TSKS: variants seen among roughly 807,000 people sequenced by gnomAD.
TSKS encodes the protein testis-specific serine kinase substrate.
A neutral mutation model predicts 68.0 loss-of-function variants in TSKS; 27 were observed. The observed-to-expected ratio is 0.40, with a 90% CI of 0.29 to 0.55. TSKS has a LOEUF of 0.55. Among genes scored for constraint, TSKS ranks in the 20% least tolerant of loss-of-function variants. The pLI is 0.53. For synonymous variants in TSKS, 331 were observed against 340.4 expected, an observed-to-expected ratio of 0.97 and a Z score of 0.30; for missense variants, 806 against 776.0, an observed-to-expected ratio of 1.04 and a Z score of -0.46.
intron 8 of TSKS, among the ~76,000 whole-genome samples, chr19:49,743,970 GTGCTGGGAT>G (rs766485997): frequency 7.2e-5 from 11 of 152,146 alleles, no homozygotes; most frequent in Non-Finnish European, 1.5e-4. Flanking sequence ...GTCTCCCGAA[GTGCTGGGAT>G]TACAGGCGAG....
Position 49,740,078 on chromosome 19 carries a change from T to C in TSKS, c.1603A>G (p.Thr535Ala), listed in dbSNP as rs1568559079. Reference sequence around the variant, plus strand: ...CCTCACTCTGGCTTCATCTTGTCTGTCAGCAGTAGGTTCTTGGCCCGCAGG... The same window carrying C: ...CCTCACTCTGGCTTCATCTTGTCTGCCAGCAGTAGGTTCTTGGCCCGCAGG... ...EALRAKNLLL[T>A]DKMKPEEKMA... is the part of the protein sequence containing the mutation. Residue 535 changes from threonine to alanine, a missense_variant, in exon 10 of 11, where the codon ACA becomes GCA. By Grantham distance (58) the Thr-to-Ala change is moderately conservative. Coordinates refer to ENST00000246801, the MANE Select transcript of TSKS (RefSeq NM_021733.2). 6.2e-7 allele frequency: 1 copy of C among 1,614,150 alleles called. No individual in the cohort carries two copies. The highest frequency in any genetic ancestry group is 1.7e-5 in the Admixed American group (1 of 60,004).
intron 2 of TSKS, 51 bp downstream of exon 2, chr19:49,761,953 C>A (rs1345498924): frequency 6.7e-7 from 1 of 1,494,988 alleles, no homozygotes; most frequent in Non-Finnish European, 9.2e-7. Flanking sequence ...TTTGCTACCA[C>A]CTTGTGGAGG....
At chr19:49,748,244 A>G (rs2084319403) in intron 3 of TSKS, 76 bp from the exon 4 acceptor site, 1 of 1,582,740 alleles carries the variant, frequency 6.3e-7, no homozygotes, top group Admixed American at 1.7e-5. Flanking sequence ...TGGGCCTGGG[A>G]AGGTTCCTTT....
intron 7 of TSKS, among the ~76,000 whole-genome samples, 200 bp downstream of exon 7, chr19:49,745,002 C>G (rs1397671293): frequency 6.6e-6 from 1 of 152,168 alleles, no homozygotes; most frequent in Non-Finnish European, 1.5e-5. Flanking sequence ...CACCCCTTCT[C>G]TAATTGATTC....
At chr19:49,760,698 G>A (rs182357829) in intron 2 of TSKS, among the ~76,000 whole-genome samples, 1 of 152,190 alleles carries the variant, frequency 6.6e-6, no homozygotes, top group Non-Finnish European at 1.5e-5. Flanking sequence ...GCTGAGATGG[G>A]AGGATCCTTT....
Position 49,762,076 on chromosome 19 carries a change from G to C in TSKS, c.327C>G (p.Leu109=). Residue 109 remains leucine (L), a synonymous_variant, in exon 2 of 11, where the codon CTC becomes CTG. Transcript: ENST00000246801. The part of the protein sequence containing the change: ...DSTVEDLSGQ[L]TLAGPPASPT... ...GGGAGGCAGGGGGCCCAGCCAGTGT[G>C]AGTTGGCCGCTGAGGTCTTCCACTG... is the stretch of plus-strand genomic sequence containing the variant. 17 of 1,614,182 alleles carry C rather than the reference G, an allele frequency of 1.1e-5. No individual in the cohort carries two copies. Among genetic ancestry groups the C allele is most frequent in the Non-Finnish European group, 1.4e-5 (17 of 1,180,038 alleles).
chr19:49,747,541 C>T (rs2084313377), intron 4 of TSKS, 69 bp from the exon 5 acceptor site: 3 of 1,521,872 alleles, frequency 2.0e-6, no homozygotes, highest in Admixed American at 3.3e-5. Context: ...CTTAGCCTGT[C>T]TGTTTCCATC....
chr19:49,748,440 G>A lies in TSKS; in HGVS notation c.429C>T (p.Ala143=). 6.2e-7 allele frequency: 1 copy of A among 1,614,226 alleles called. No individual in the cohort carries two copies. The change falls in exon 3 of 11, where the codon GCC becomes GCT. Residue 143 remains alanine (A), a synonymous_variant. Transcript: ENST00000246801. Reference sequence around the variant, plus strand: ...CCTTCAAGCTGGTGATGGAGTCTTTGGCGCGGACCAATCCACTGTTGACCC... The same window carrying A: ...CCTTCAAGCTGGTGATGGAGTCTTTAGCGCGGACCAATCCACTGTTGACCC... ...LSGVNSGLVR[A]KDSITSLKEK... is the part of the protein sequence containing the mutation.
intron 2 of TSKS, among the ~76,000 whole-genome samples, chr19:49,755,722 G>T (rs1044859040): frequency 5.9e-5 from 9 of 152,160 alleles, no homozygotes; most frequent in African/African-American, 2.2e-4. Context: ...GGGCCAGGTG[G>T]CTGGGCTTGG....
rs1265988318 is a variant in TSKS at position 49,744,305 on chromosome 19, C to T, written c.1287G>A (p.Gln429=). The T allele has an allele frequency of 6.2e-7, 1 of 1,614,122 alleles. No individual in the cohort carries two copies. The change falls in exon 8 of 11, where the codon CAG becomes CAA. Residue 429 remains glutamine (Q), a synonymous_variant. Transcript: ENST00000246801. ...AGAGGTCAGGCCCTCTTCGAGAGTT[C>T]TGAAATTGCCGCCCGAACTCCTCCA... ...PILEEFGRQF[Q]NSRRGPDLSM...
At chr19:49,757,978 C>A (rs1197200844) in intron 2 of TSKS, among the ~76,000 whole-genome samples, 1 of 151,520 alleles carries the variant, frequency 6.6e-6, no homozygotes, top group African/African-American at 2.4e-5. Context: ...GCAACCTCCA[C>A]CTCCCGAGTT....
In TSKS at chr19:49,747,265, ATG is replaced by A. The variant is rs1488156256; in HGVS notation, c.663+122_663+123del. On this transcript the variant is annotated intron_variant, in intron 5 of 10. Transcript: ENST00000246801. ...TTATCAGCGAGTTCTAAGGATGACTATGTGCACGAAGGTGCAGTGTGGTGGTG... is the reference window on the plus strand; with the variant it reads ...TTATCAGCGAGTTCTAAGGATGACTATGCACGAAGGTGCAGTGTGGTGGTG... 1.6e-5 allele frequency: 25 copies of A among 1,582,206 alleles called. No homozygotes were observed. The Admixed American group carries it at 4.5e-4, about 29-fold the overall frequency.
intron 2 of TSKS, among the ~76,000 whole-genome samples, chr19:49,749,678 G>A (rs752774230): frequency 2.1e-4 from 32 of 152,110 alleles, no homozygotes; most frequent in Admixed American, 3.3e-4. Flanking sequence ...GGTGTGGAGC[G>A]GTACTATCAT....
chr19:49,740,827 C>T (rs1296984847), intron 9 of TSKS, among the ~76,000 whole-genome samples: 5 of 150,392 alleles, frequency 3.3e-5, no homozygotes, highest in Admixed American at 6.7e-5. Context: ...GAGGTTGCAA[C>T]GAGCCAAGAT....
intron 2 of TSKS, among the ~76,000 whole-genome samples, chr19:49,755,193 T>C (rs2084383325): frequency 6.6e-6 from 1 of 152,166 alleles, no homozygotes; most frequent in African/African-American, 2.4e-5. Flanking sequence ...AACTTGAACA[T>C]AGCTCAACTT....
At chr19:49,758,480 G>A (rs1014188900) in intron 2 of TSKS, among the ~76,000 whole-genome samples, 2 of 152,200 alleles carry the variant, frequency 1.3e-5, no homozygotes, top group Non-Finnish European at 2.9e-5. Flanking sequence ...ATCCAGTGGG[G>A]GATGTGACTC....
chr19:49,751,899 C>CAAAAAAAA (rs61310693), intron 2 of TSKS, among the ~76,000 whole-genome samples: 2 of 41,672 alleles, frequency 4.8e-5, no homozygotes, highest in Non-Finnish European at 5.0e-5. Flanking sequence ...CCCAACTCTA[C>CAAAAAAAA]AAAAAAAAAA....
intron 8 of TSKS, among the ~76,000 whole-genome samples, chr19:49,743,370 G>A (rs185812914): frequency 5.3e-5 from 8 of 151,596 alleles, no homozygotes; most frequent in Admixed American, 6.6e-5. Context: ...GAGCCACTGC[G>A]TCCACCCTTT....
chr19:49,758,284 T>C (rs542839630), intron 2 of TSKS, among the ~76,000 whole-genome samples: 1 of 152,298 alleles, frequency 6.6e-6, no homozygotes, highest in African/African-American at 2.4e-5. Flanking sequence ...TGCTGGGTGC[T>C]GGTTCCAGCT....
Sources: allele counts gnomAD v4.1 joint callset (sites outside exome capture counted in the v4.1 genomes callset), GRCh38; gene constraint gnomAD v4.1.1; transcripts MANE v1.5; gene names NCBI Gene and HGNC (gene_info 2026-07-23, HGNC 2026-07-21).